DCLK2: variants seen among roughly 807,000 people sequenced by gnomAD.
DCLK2 encodes doublecortin like kinase 2, also known as serine/threonine-protein kinase DCLK2.
A neutral mutation model predicts 78.4 loss-of-function variants in DCLK2; 31 were observed. That is an observed-to-expected ratio of 0.40 (90% CI 0.30 to 0.53). The LOEUF (loss-of-function observed/expected upper bound fraction) is 0.53, where lower values mean the gene tolerates loss of function less well. DCLK2 is among the 20% of genes least tolerant of loss of function. The probability of loss-of-function intolerance (pLI) is 0.61; values close to 1 mark genes in which losing one functional copy is unlikely to be tolerated. For missense variants in DCLK2, 872 were observed against 973.7 expected (o/e 0.90, Z 1.39); for synonymous variants, 407 against 374.9 (o/e 1.09, Z -0.99).
At chr4:150,213,947 G>A (rs1467159120) in intron 5 of DCLK2, among the ~76,000 whole-genome samples, 1 of 152,148 alleles carries the variant, frequency 6.6e-6, no homozygotes, top group Non-Finnish European at 1.5e-5. Flanking sequence ...CATTTGCTGT[G>A]GTGATGGGCA....
chr4:150,184,270 G>A (rs1737739426), intron 2 of DCLK2, among the ~76,000 whole-genome samples: 1 of 152,090 alleles, frequency 6.6e-6, no homozygotes, highest in South Asian at 2.1e-4. Context: ...ATTTCTTTGA[G>A]GACATGCAAA....
intron 1 of DCLK2, among the ~76,000 whole-genome samples, chr4:150,083,824 A>G (rs764014506): frequency 6.6e-6 from 1 of 152,228 alleles, no homozygotes; most frequent in Non-Finnish European, 1.5e-5. Context: ...GCCCACTTCA[A>G]ATAGCACCTA....
At chr4:150,189,851 G>A (rs971673881) in intron 2 of DCLK2, among the ~76,000 whole-genome samples, 1 of 151,634 alleles carries the variant, frequency 6.6e-6, no homozygotes, top group African/African-American at 2.4e-5. Flanking sequence ...AGACCTGTGG[G>A]AATGATGAAC....
At chr4:150,250,658 G>C (rs1193915320) in intron 15 of DCLK2, among the ~76,000 whole-genome samples, 1 of 151,712 alleles carries the variant, frequency 6.6e-6, no homozygotes, top group African/African-American at 2.4e-5. Context: ...TGACAGCTAA[G>C]GATGGGCCAC....
intron 7 of DCLK2, among the ~76,000 whole-genome samples, chr4:150,222,172 C>G (rs1233748087): frequency 6.6e-6 from 1 of 151,902 alleles, no homozygotes; most frequent in East Asian, 1.9e-4. Flanking sequence ...CCAGGCTGGT[C>G]CTAGGCTCCT....
intron 2 of DCLK2, among the ~76,000 whole-genome samples, chr4:150,185,959 T>TA (rs1560846185): frequency 6.6e-6 from 1 of 152,184 alleles, no homozygotes; most frequent in Non-Finnish European, 1.5e-5. Flanking sequence ...CTCCTGTAGA[T>TA]ACGTTATTTT....
chr4:150,214,953 C>CAAAAAA (rs60156550), intron 5 of DCLK2, among the ~76,000 whole-genome samples: 4 of 86,456 alleles, frequency 4.6e-5, no homozygotes, highest in Non-Finnish European at 9.3e-5. Flanking sequence ...CAGAGTGTCT[C>CAAAAAA]AAAAAAAAAA....
chr4:150,241,845 T>C (rs1742950847), intron 12 of DCLK2, among the ~76,000 whole-genome samples: 1 of 152,162 alleles, frequency 6.6e-6, no homozygotes, highest in South Asian at 2.1e-4. Flanking sequence ...GGCCCTAATC[T>C]TATTCATGAG....
intron 1 of DCLK2, among the ~76,000 whole-genome samples, chr4:150,087,547 G>T (rs906874982): frequency 6.6e-6 from 1 of 152,186 alleles, no homozygotes; most frequent in Admixed American, 6.5e-5. Context: ...GGAGCCATCC[G>T]AATTAAGACC....
chr4:150,161,250 G>T (rs578158261), intron 2 of DCLK2, among the ~76,000 whole-genome samples: 35 of 152,254 alleles, frequency 2.3e-4, no homozygotes, highest in Non-Finnish European at 4.3e-4. Flanking sequence ...ACTCACAAGG[G>T]TCTTGTAAAC....
intron 3 of DCLK2, among the ~76,000 whole-genome samples, chr4:150,194,444 T>C (rs1292036105): frequency 1.3e-5 from 2 of 152,320 alleles, no homozygotes; most frequent in Non-Finnish European, 2.9e-5. Flanking sequence ...GCTATTTCTT[T>C]GGTGAGATGA....
Position 150,106,656 on chromosome 4 carries a change from G to A in DCLK2, c.756+3844G>A, listed in dbSNP as rs72965517. 5.0e-3 allele frequency among the ~76,000 whole-genome samples: 764 copies of A among 152,324 alleles called. 4 individuals are homozygous for A. The highest frequency in any genetic ancestry group is 0.017 in the African/African-American group (722 of 41,578). ...AGGCAATTCACCATGAACAGTCACT[G>A]ACTGCATCATGACACCTGTGTGAGA... On this transcript the variant is annotated intron_variant, in intron 2 of 15. Coordinates refer to ENST00000296550, the MANE Select transcript of DCLK2 (RefSeq NM_001040260.4).
At chr4:150,213,539 G>A (rs1158976893) in intron 5 of DCLK2, among the ~76,000 whole-genome samples, 1 of 151,338 alleles carries the variant, frequency 6.6e-6, no homozygotes, top group Non-Finnish European at 1.5e-5. Flanking sequence ...TGTTCCTAAT[G>A]TTGAAAAAAC....
chr4:150,121,991 G>A (rs1439251337), intron 2 of DCLK2, among the ~76,000 whole-genome samples: 2 of 152,212 alleles, frequency 1.3e-5, no homozygotes, highest in East Asian at 1.9e-4. Flanking sequence ...GTAAATAGAT[G>A]CACTGTCATC....
chr4:150,228,335 A>G (rs550169054), intron 8 of DCLK2, among the ~76,000 whole-genome samples: 3 of 152,214 alleles, frequency 2.0e-5, no homozygotes, highest in East Asian at 3.9e-4. Flanking sequence ...TGATTTGTAC[A>G]TTTTCTCTCT....
At chr4:150,207,388 T>G (rs936028570) in intron 5 of DCLK2, among the ~76,000 whole-genome samples, 1 of 152,230 alleles carries the variant, frequency 6.6e-6, no homozygotes, top group African/African-American at 2.4e-5. Context: ...TGTCTGGGAA[T>G]TATTTTAATA....
rs1403857851 is a variant in DCLK2 at position 150,247,611 on chromosome 4, A to G, written c.1787A>G (p.Asn596Ser). Residue 596 changes from asparagine (N) to serine (S), a missense_variant, in exon 13 of 16, where the codon AAT becomes AGT. Around this residue, in one of 3 missense-constraint regions of DCLK2, gnomAD observed 219 missense variants for 230.1 expected, o/e 0.95. Transcript: ENST00000296550. ...CGFPPFRSEN[N>S]LQEDLFDQIL... ...CTTTGTCACTGGCTTAGTGAGAACA[A>G]TCTCCAGGAAGATCTCTTCGACCAG... is the stretch of plus-strand genomic sequence containing the variant. 6.2e-7 allele frequency: 1 copy of G among 1,613,900 alleles called. No homozygotes were observed. The highest frequency in any genetic ancestry group is 8.5e-7 in the Non-Finnish European group (1 of 1,179,918).
At chr4:150,244,699 CA>C (rs1338037631) in intron 12 of DCLK2, among the ~76,000 whole-genome samples, 1 of 152,228 alleles carries the variant, frequency 6.6e-6, no homozygotes, top group African/African-American at 2.4e-5. Flanking sequence ...GCTTTTCTTA[CA>C]TGACTGCTAA....
intron 4 of DCLK2, among the ~76,000 whole-genome samples, chr4:150,201,806 A>G (rs936628666): frequency 3.1e-4 from 1 of 3,182 alleles, no homozygotes; most frequent in Non-Finnish European, 2.5e-3. Flanking sequence ...GAAAATACCA[A>G]AAAAAAAAGG....
Sources: gnomAD v4.1 joint callset for allele counts (sites outside exome capture counted in the v4.1 genomes callset) on GRCh38, gnomAD v4.1.1 for gene constraint, gnomAD v4.1.1 regional missense constraint, MANE v1.5 for transcripts, NCBI Gene and HGNC (gene_info 2026-07-23, HGNC 2026-07-21) for gene names.